CCDC7: variants seen among roughly 807,000 people sequenced by gnomAD.
The protein encoded by CCDC7 is coiled-coil domain containing 7.
CCDC7 carries 183 observed loss-of-function variants against 196.9 expected under a neutral mutation model. The observed-to-expected ratio is 0.93, with a 90% CI of 0.82 to 1.05. CCDC7 has a LOEUF of 1.05. Among genes scored for constraint, CCDC7 ranks in the 50% least tolerant of loss-of-function variants. CCDC7 has a pLI of 0.00. For synonymous variants in CCDC7, 525 were observed against 484.6 expected (o/e 1.08, Z -1.10); for missense variants, 1,540 against 1,482.2 (o/e 1.04, Z -0.64).
chr10:32,668,295 T>C (rs1409028785), intron 21 of CCDC7, among the ~76,000 whole-genome samples: 2 of 152,190 alleles, frequency 1.3e-5, no homozygotes, highest in African/African-American at 2.4e-5. Flanking sequence ...TTTCTAGATA[T>C]ACAATCATGT....
intron 21 of CCDC7, among the ~76,000 whole-genome samples, chr10:32,676,343 T>C (rs1458700520): frequency 6.6e-6 from 1 of 151,874 alleles, no homozygotes; most frequent in Non-Finnish European, 1.5e-5. Flanking sequence ...CCAAAAGCAA[T>C]GGCAACAAAG....
chr10:32,499,708 G>A (rs1253924717), intron 9 of CCDC7, among the ~76,000 whole-genome samples: 4 of 151,938 alleles, frequency 2.6e-5, no homozygotes, highest in Admixed American at 6.6e-5. Flanking sequence ...AGATAAACAC[G>A]TGAACAAAGT....
intron 16 of CCDC7, among the ~76,000 whole-genome samples, chr10:32,576,547 C>CT (rs1292038601): frequency 0.024 from 2,759 of 116,828 alleles, 35 homozygotes; most frequent in Non-Finnish European, 0.025. Context: ...GCCTGTGTGT[C>CT]TTTTTTTTTT....
At chr10:32,642,825 A>T (rs988797585) in intron 20 of CCDC7, among the ~76,000 whole-genome samples, 1 of 152,132 alleles carries the variant, frequency 6.6e-6, no homozygotes, top group Non-Finnish European at 1.5e-5. Context: ...TCTTAAAAAG[A>T]TTTTCTTATT....
intron 11 of CCDC7, among the ~76,000 whole-genome samples, chr10:32,527,689 G>T (rs932259928): frequency 2.0e-5 from 3 of 152,144 alleles, no homozygotes; most frequent in Admixed American, 2.0e-4. Flanking sequence ...TGATGCAGAT[G>T]TGCGAAGGAG....
chr10:32,609,579 T>A, intron 18 of CCDC7, among the ~76,000 whole-genome samples: 1 of 152,162 alleles, frequency 6.6e-6, no homozygotes, highest in Non-Finnish European at 1.5e-5. Context: ...ATATTCAAGG[T>A]TACTGTTGAT....
chr10:32,877,390 T>A (rs2094626830), downstream of CCDC7, among the ~76,000 whole-genome samples: 1 of 152,132 alleles, frequency 6.6e-6, no homozygotes, highest in Non-Finnish European at 1.5e-5. Context: ...AGAGAATATA[T>A]GCAGAAATGA....
intron 29 of CCDC7, among the ~76,000 whole-genome samples, chr10:32,799,548 G>A (rs1334095872): frequency 1.3e-5 from 2 of 152,302 alleles, no homozygotes; most frequent in East Asian, 3.9e-4. Flanking sequence ...GGCCCACTAG[G>A]TGTTGTGACT....
At chr10:32,623,420 A>C (rs866386295) in intron 18 of CCDC7, among the ~76,000 whole-genome samples, 14 of 150,504 alleles carry the variant, frequency 9.3e-5, no homozygotes, top group Middle Eastern at 3.2e-3. Flanking sequence ...ATGAATATAA[A>C]TGCCATTTTT....
At chr10:32,872,645 A>G (rs1214116122) in intron 41 of CCDC7, among the ~76,000 whole-genome samples, 3 of 152,028 alleles carry the variant, frequency 2.0e-5, no homozygotes, top group South Asian at 2.1e-4. Flanking sequence ...GATGGTCTTT[A>G]CAATTTGGCA....
intron 41 of CCDC7, among the ~76,000 whole-genome samples, chr10:32,869,285 A>G (rs1170725045): frequency 6.6e-6 from 1 of 152,056 alleles, no homozygotes; most frequent in Non-Finnish European, 1.5e-5. Context: ...ATGGTATCTC[A>G]TTGTGGTTTT....
At chr10:32,878,371 G>C (rs943571848), downstream of CCDC7, among the ~76,000 whole-genome samples, 1 of 152,070 alleles carries the variant, frequency 6.6e-6, no homozygotes, top group Non-Finnish European at 1.5e-5. Context: ...AAATATTTCT[G>C]CTTGAATATG....
intron 41 of CCDC7, among the ~76,000 whole-genome samples, chr10:32,864,272 TAAC>T (rs1228649983): frequency 2.0e-5 from 3 of 151,496 alleles, no homozygotes; most frequent in Non-Finnish European, 4.4e-5. Flanking sequence ...AGAAAGAGAA[TAAC>T]AACTGTTGGT....
At chr10:32,815,059 A>C (rs2088099990) in intron 31 of CCDC7, among the ~76,000 whole-genome samples, 1 of 152,118 alleles carries the variant, frequency 6.6e-6, no homozygotes, top group African/African-American at 2.4e-5. Context: ...CAAACACCCC[A>C]CCACCAACAA....
At chr10:32,505,672 C>T (rs1168754938) in intron 9 of CCDC7, among the ~76,000 whole-genome samples, 2 of 152,058 alleles carry the variant, frequency 1.3e-5, no homozygotes, top group African/African-American at 4.8e-5. Context: ...GTCATCATGG[C>T]CCGTTCTCGA....
intron 20 of CCDC7, among the ~76,000 whole-genome samples, chr10:32,654,112 C>G (rs970606587): frequency 6.6e-6 from 1 of 152,076 alleles, no homozygotes; most frequent in African/African-American, 2.4e-5. Context: ...TTGATTCCAT[C>G]TTTCCATTTC....
rs571952242 is a variant in CCDC7 at position 32,583,076 on chromosome 10, A to G, written c.1497A>G (p.Ser499=). The change falls in exon 17 of 42, where the codon TCA becomes TCG. Residue 499 remains serine (S), a synonymous_variant. Coordinates refer to ENST00000639629, the Ensembl canonical transcript of CCDC7. ...CTAGCCCTGCTATTTCAGATCTTTC[A>G]CAGATCCTTAAGTCTCAAGATGAAT... The G allele has an allele frequency of 6.5e-6, 8 of 1,231,454 alleles. No individual in the cohort carries two copies. The African/African-American group carries it at 1.1e-4, about 17-fold the overall frequency. 76.3% of individuals were successfully genotyped at this position (1,231,454 alleles called of 1,614,324 possible).
At chr10:32,474,398 A>AT (rs71515561) in intron 8 of CCDC7, among the ~76,000 whole-genome samples, 50,907 of 146,052 alleles carry the variant, frequency 0.35, 11,034 homozygotes, top group Non-Finnish European at 0.5. Flanking sequence ...TAACTTTTGT[A>AT]TTTTTTTTTC....
intron 16 of CCDC7, among the ~76,000 whole-genome samples, chr10:32,576,537 G>A (rs1263326644): frequency 6.6e-6 from 1 of 150,606 alleles, no homozygotes; most frequent in Non-Finnish European, 1.5e-5. Context: ...GACAACAGTG[G>A]CCTGTGTGTC....
Sources: allele counts gnomAD v4.1 joint callset (sites outside exome capture counted in the v4.1 genomes callset), GRCh38; gene constraint gnomAD v4.1.1; transcripts MANE v1.5; gene names NCBI Gene and HGNC (gene_info 2026-07-23, HGNC 2026-07-21).